The following FHIT variants were observed in gnomAD, a reference collection of about 807,000 sequenced individuals.
FHIT encodes the protein bis(5'-adenosyl)-triphosphatase.
A neutral mutation model predicts 17.9 loss-of-function variants in FHIT; 19 were observed. That is an observed-to-expected ratio of 1.06 (90% CI 0.74 to 1.56). The LOEUF (loss-of-function observed/expected upper bound fraction) is 1.56. Among genes scored for constraint, FHIT ranks in the 40% most tolerant of loss-of-function variants. FHIT has a pLI of 0.00. For synonymous variants in FHIT, 81 were observed against 69.7 expected (o/e 1.16, Z -0.81); for missense variants, 248 against 189.2 (o/e 1.31, Z -1.82).
chr3:60,438,936 G>T (rs2030540710), intron 5 of FHIT, among the ~76,000 whole-genome samples: 1 of 152,104 alleles, frequency 6.6e-6, no homozygotes, highest in African/African-American at 2.4e-5. Context: ...TACTTTTAGT[G>T]TATTTACATG....
In FHIT at chr3:59,986,753, T is replaced by TAA. The variant is rs1708972191; in HGVS notation, c.279+24617_279+24618insTT. On this transcript the variant is annotated intron_variant, in intron 7 of 9. Transcript: ENST00000492590. ...ATAAATATATACATATATTTATATA[T>TAA]ATATAAATATATTTATATAAATATA... Among the ~76,000 whole-genome samples the TAA allele has an allele frequency of 2.7e-3, 2 of 734 alleles. 1 individual carries two copies. Among genetic ancestry groups the TAA allele is most frequent in the Non-Finnish European group, 5.4e-3 (2 of 370 alleles). The allele number at this position is 734 out of a possible 152,430, so 0.5% of individuals were successfully genotyped here.
chr3:60,047,514 A>T (rs187492873), intron 5 of FHIT, among the ~76,000 whole-genome samples: 2 of 152,234 alleles, frequency 1.3e-5, no homozygotes, highest in Admixed American at 6.5e-5. Flanking sequence ...ACCAGACAAC[A>T]GTCTTTAACG....
intron 5 of FHIT, among the ~76,000 whole-genome samples, chr3:60,029,446 G>C (rs1396332241): frequency 2.6e-5 from 4 of 152,162 alleles, no homozygotes; most frequent in Admixed American, 1.3e-4. Flanking sequence ...TATTAGGAGA[G>C]AGCAGATGAA....
chr3:61,229,065 G>C (rs2040037438), intron 1 of FHIT, among the ~76,000 whole-genome samples: 1 of 152,088 alleles, frequency 6.6e-6, no homozygotes. Flanking sequence ...ACCTGTACTG[G>C]GTTGAATGCC....
intron 8 of FHIT, among the ~76,000 whole-genome samples, chr3:59,805,299 C>A (rs1700152979): frequency 6.6e-6 from 1 of 152,168 alleles, no homozygotes; most frequent in Non-Finnish European, 1.5e-5. Flanking sequence ...ATGCAATCTG[C>A]ATTTTAAAGA....
chr3:60,904,191 G>A (rs1164424084), intron 3 of FHIT, among the ~76,000 whole-genome samples: 1 of 152,060 alleles, frequency 6.6e-6, no homozygotes, highest in Non-Finnish European at 1.5e-5. Context: ...TCTATCTGCT[G>A]AGCCCTGCAC....
rs1328097376 is a variant in FHIT at position 60,323,953 on chromosome 3, C to CT, written c.103+212906dup. Among the ~76,000 whole-genome samples, 5 of 149,774 alleles carry CT rather than the reference C, an allele frequency of 3.3e-5. No homozygotes were observed. The East Asian group carries it at 9.7e-4, about 29-fold the overall frequency. On this transcript the variant is annotated intron_variant, in intron 5 of 9. Transcript: ENST00000492590. Reference sequence around the variant, plus strand: ...GGTTGAAAGAAATGAAAGGGAATAACTTCCCAAGCTTGCCAGAAACACCAA... The same window carrying CT: ...GGTTGAAAGAAATGAAAGGGAATAACTTTCCCAAGCTTGCCAGAAACACCAA...
intron 8 of FHIT, among the ~76,000 whole-genome samples, chr3:59,901,994 C>A (rs1466201318): frequency 6.6e-6 from 1 of 152,090 alleles, no homozygotes; most frequent in African/African-American, 2.4e-5. Flanking sequence ...AAACAAGCAA[C>A]ATAGTGAAGA....
intron 4 of FHIT, among the ~76,000 whole-genome samples, chr3:60,547,216 T>G (rs1014734013): frequency 6.6e-6 from 1 of 152,212 alleles, no homozygotes; most frequent in African/African-American, 2.4e-5. Flanking sequence ...ACCAATATTC[T>G]GTGGAATTTT....
intron 3 of FHIT, among the ~76,000 whole-genome samples, chr3:61,010,200 CAA>C (rs533032458): frequency 4.4e-5 from 6 of 136,832 alleles, no homozygotes; most frequent in Admixed American, 2.2e-4. Context: ...ACTTGATTAC[CAA>C]AAAAAAAAAA....
At chr3:60,928,124 G>A (rs962877922) in intron 3 of FHIT, among the ~76,000 whole-genome samples, 1 of 151,988 alleles carries the variant, frequency 6.6e-6, no homozygotes, top group South Asian at 2.1e-4. Context: ...CTCGTTAAGA[G>A]TCATCACCAC....
At chr3:60,325,113 A>T (rs1445069024) in intron 5 of FHIT, among the ~76,000 whole-genome samples, 1 of 151,836 alleles carries the variant, frequency 6.6e-6, no homozygotes, top group East Asian at 1.9e-4. Context: ...AGAGAAAACA[A>T]TTTTTTTCAT....
intron 4 of FHIT, among the ~76,000 whole-genome samples, chr3:60,649,256 C>T (rs1189965381): frequency 2.0e-5 from 3 of 152,028 alleles, no homozygotes; most frequent in Admixed American, 2.0e-4. Context: ...AGAAATTAGC[C>T]GGGCGTGGTG....
intron 5 of FHIT, among the ~76,000 whole-genome samples, chr3:60,292,810 A>T (rs1215913609): frequency 1.3e-5 from 2 of 152,166 alleles, no homozygotes; most frequent in Non-Finnish European, 2.9e-5. Flanking sequence ...CTAGTCATAA[A>T]ATGAAATTGA....
chr3:60,237,311 A>C (rs560196448), intron 5 of FHIT, among the ~76,000 whole-genome samples: 2 of 127,788 alleles, frequency 1.6e-5, no homozygotes, highest in South Asian at 2.4e-4. Context: ...CCTATTTCCT[A>C]CATGACCTAA....
At chr3:60,466,390 T>C (rs1230224121) in intron 5 of FHIT, among the ~76,000 whole-genome samples, 1 of 152,108 alleles carries the variant, frequency 6.6e-6, no homozygotes, top group Non-Finnish European at 1.5e-5. Flanking sequence ...CTGATTTCTC[T>C]AGCTATGACT....
At chr3:60,822,312 G>T (rs1701957575) in intron 3 of FHIT, among the ~76,000 whole-genome samples, 1 of 152,142 alleles carries the variant, frequency 6.6e-6, no homozygotes, top group Non-Finnish European at 1.5e-5. Flanking sequence ...CACATCATCT[G>T]ATCCTCCTCA....
At chr3:59,914,255 G>T (rs1173541367) in intron 8 of FHIT, among the ~76,000 whole-genome samples, 1 of 151,584 alleles carries the variant, frequency 6.6e-6, no homozygotes, top group Admixed American at 6.6e-5. Context: ...CATTTACAAC[G>T]CATCTCAATT....
chr3:60,732,684 C>CT (rs3038041), intron 4 of FHIT: 2,500 of 178,090 alleles, frequency 0.014, 33 homozygotes, highest in African/African-American at 0.04. Flanking sequence ...GCAAAGACTG[C>CT]TTTTTTTTTT....
Sources: gnomAD v4.1 joint callset for allele counts (sites outside exome capture counted in the v4.1 genomes callset) on GRCh38, gnomAD v4.1.1 for gene constraint, MANE v1.5 for transcripts, NCBI Gene and HGNC (gene_info 2026-07-23, HGNC 2026-07-21) for gene names.